The following RBM44 variants were observed in gnomAD, a reference collection of about 807,000 sequenced individuals.
RBM44 encodes RNA-binding protein 44.
RBM44 carries 66 observed loss-of-function variants against 105.1 expected under a neutral mutation model. The ratio of observed to expected loss-of-function variants is 0.63; its 90% CI spans 0.52 to 0.77. The LOEUF is 0.77. RBM44 is among the 30% of genes least tolerant of loss of function. The pLI is 0.00. For synonymous variants in RBM44, 365 were observed against 417.6 expected, an observed-to-expected ratio of 0.87 and a Z score of 1.54; for missense variants, 1,122 against 1,207.8, an observed-to-expected ratio of 0.93 and a Z score of 1.05.
rs939641898 is a variant in RBM44 at position 237,842,003 on chromosome 2, TA to T, written c.*188del. On this transcript the variant is annotated 3_prime_UTR_variant, in exon 16 of 16. Transcript: ENST00000316997. ...TTTAAAATCTAGCAACAGTTGTCTATACAATATTAAGATCTTCTCTATATAT... is the reference window on the plus strand; with the variant it reads ...TTTAAAATCTAGCAACAGTTGTCTATCAATATTAAGATCTTCTCTATATAT... 1 of 152,104 alleles carries T rather than the reference TA, an allele frequency of 6.6e-6. No homozygotes were observed. The highest frequency in any genetic ancestry group is 2.4e-5 in the African/African-American group (1 of 41,450). The allele number at this position is 152,104 out of a possible 1,614,324, so 9.4% of individuals were successfully genotyped here. A position where few individuals can be genotyped will look rare whatever the true frequency, so the allele number is the denominator to read the frequency against.
At position 237,829,270 on chromosome 2, in the gene RBM44, A is replaced by T; in HGVS notation, c.2654A>T (p.Glu885Val). 1 of 1,613,262 alleles carries T rather than the reference A, an allele frequency of 6.2e-7. No homozygotes were observed. The highest frequency in any genetic ancestry group is 1.7e-4 in the Middle Eastern group (1 of 6,042). ...AGCGATGCAAAGATAGCTGTGAAAG[A>T]AATGAATGGGATAGAAATAAATGGA... is the stretch of plus-strand genomic sequence containing the variant. ...KNSDAKIAVK[E>V]MNGIEINGKS... Residue 885 changes from glutamate to valine, a missense_variant, in exon 13 of 16, where the codon GAA (glutamate) becomes GTA (valine). Physicochemically the swap from Glu to Val is moderately radical, Grantham distance 121 (BLOSUM62 -2). Around this residue, in one of 3 missense-constraint regions of RBM44, gnomAD observed 194 missense variants for 225.5 expected, o/e 0.86. Transcript: ENST00000316997.
intron 1 of RBM44, among the ~76,000 whole-genome samples, chr2:237,806,490 A>G (rs2061600396): frequency 6.6e-6 from 1 of 152,112 alleles, no homozygotes; most frequent in African/African-American, 2.4e-5. Flanking sequence ...GTGATTTCTG[A>G]GAGAAAGGAA....
intron 1 of RBM44, among the ~76,000 whole-genome samples, chr2:237,802,713 T>C (rs2061558143): frequency 6.6e-6 from 1 of 152,226 alleles, no homozygotes; most frequent in Non-Finnish European, 1.5e-5. Flanking sequence ...ATCACCTCTC[T>C]GTCCTCAACA....
chr2:237,836,530 C>A (rs1007179347), intron 15 of RBM44, among the ~76,000 whole-genome samples: 1 of 152,102 alleles, frequency 6.6e-6, no homozygotes, highest in African/African-American at 2.4e-5. Context: ...GCCTGTAATC[C>A]CAGCACTTTG....
At chr2:237,802,222 A>G (rs559349719) in intron 1 of RBM44, among the ~76,000 whole-genome samples, 5 of 152,282 alleles carry the variant, frequency 3.3e-5, no homozygotes, top group African/African-American at 9.6e-5. Flanking sequence ...GTGTTTCTCA[A>G]AATATCCAGA....
chr2:237,827,209 A>T, intron 10 of RBM44, 41 bp from the exon 11 acceptor site: 1 of 1,106,104 alleles, frequency 9.0e-7, no homozygotes, highest in Non-Finnish European at 1.3e-6. Flanking sequence ...ACATATCAGT[A>T]CAATAAAGAT....
chr2:237,821,008 T>G, intron 5 of RBM44, 63 bp from the exon 6 acceptor site: 2 of 1,166,866 alleles, frequency 1.7e-6, no homozygotes. Flanking sequence ...TAATATAATA[T>G]TAGTGTTAAA....
At position 237,804,486 on chromosome 2, in the gene RBM44, G is replaced by T. The variant is rs867090761; in HGVS notation, c.-19+5625G>T. Among the ~76,000 whole-genome samples, 3 of 152,200 alleles carry T rather than the reference G, an allele frequency of 2.0e-5. No individual in the cohort carries two copies. The South Asian group carries it at 6.2e-4, about 31-fold the overall frequency. The stretch of plus-strand genomic sequence containing the variant: ...TTCTTGATAATAGCCATTCTGGCTG[G>T]TGTGAGATGGTATTAATTACATTGT... On this transcript the variant is annotated intron_variant, in intron 1 of 15. Transcript: ENST00000316997.
At chr2:237,825,991 A>G (rs2061844223) in intron 10 of RBM44, among the ~76,000 whole-genome samples, 1 of 152,104 alleles carries the variant, frequency 6.6e-6, no homozygotes, top group African/African-American at 2.4e-5. Flanking sequence ...TTGTGACCTA[A>G]ACTCCTGAGA....
chr2:237,834,385 A>C lies in RBM44; in HGVS notation c.3140A>C (p.Asn1047Thr). 1 of 1,522,186 alleles carries C rather than the reference A, an allele frequency of 6.6e-7. No individual in the cohort carries two copies. Among genetic ancestry groups the C allele is most frequent in the Non-Finnish European group, 8.8e-7 (1 of 1,135,812 alleles). 94.3% of individuals were successfully genotyped at this position (1,522,186 alleles called of 1,614,324 possible). Residue 1047 changes from asparagine to threonine, a missense_variant, in exon 15 of 16, where the codon AAC (asparagine) becomes ACC (threonine). By Grantham distance (65) the Asn-to-Thr change is moderately conservative. This residue lies in a region of RBM44 where 194 missense variants were observed against 225.5 expected (regional missense o/e 0.86). Transcript: ENST00000316997. ...GAGATGACTTCATCTCTTCTGAAAAACTCTGCTTCCAGTTAGGAATTCAAA... is the reference window on the plus strand; with the variant it reads ...GAGATGACTTCATCTCTTCTGAAAACCTCTGCTTCCAGTTAGGAATTCAAA... ...IVEMTSSLLK[N>T]SASS
chr2:237,811,692 A>AT (rs2061660098), intron 1 of RBM44, among the ~76,000 whole-genome samples: 1 of 152,068 alleles, frequency 6.6e-6, no homozygotes, highest in Non-Finnish European at 1.5e-5. Context: ...AAAAAAAAAA[A>AT]ACTTTTCCTA....
In RBM44 at chr2:237,818,721, T is replaced by A; in HGVS notation, c.1677+125T>A. On this transcript the variant is annotated intron_variant, in intron 3 of 15. Transcript: ENST00000316997. This position sits in a 1 kb window ranked among gnomAD's most constrained non-coding sequence, Gnocchi z 4.6. The stretch of plus-strand genomic sequence containing the variant: ...AAGATGCTAGATGAGGGGAGTAAAT[T>A]AAAAAGGGAGTAAATTAAAAAGTAA... The A allele has an allele frequency of 1.4e-6, 1 of 703,926 alleles. No individual in the cohort carries two copies. The highest frequency in any genetic ancestry group is 2.3e-6 in the Non-Finnish European group (1 of 441,768). The allele number at this position is 703,926 out of a possible 1,614,324, so 43.6% of individuals were successfully genotyped here. A position where few individuals can be genotyped will look rare whatever the true frequency, so the allele number is the denominator to read the frequency against.
intron 10 of RBM44, among the ~76,000 whole-genome samples, chr2:237,824,765 A>G (rs895206629): frequency 1.3e-5 from 2 of 152,184 alleles, no homozygotes; most frequent in East Asian, 3.8e-4. Flanking sequence ...CCACCAGGCA[A>G]CCAGTACTAA....
intron 1 of RBM44, among the ~76,000 whole-genome samples, chr2:237,805,506 C>G (rs1576495534): frequency 1.3e-5 from 2 of 152,034 alleles, no homozygotes; most frequent in East Asian, 3.9e-4. Flanking sequence ...CATATGGAAC[C>G]AAGAAAGAGC....
intron 1 of RBM44, chr2:237,799,402 G>C (rs4663789): frequency 0.12 from 18,037 of 152,398 alleles, 1,416 homozygotes; most frequent in East Asian, 0.41. Context: ...ATCTGAAGTT[G>C]AGCGTGAACT....
chr2:237,830,923 A>G (rs1305953066), intron 13 of RBM44, among the ~76,000 whole-genome samples: 1 of 137,288 alleles, frequency 7.3e-6, no homozygotes, highest in Non-Finnish European at 1.5e-5. Context: ...TCTATCTACA[A>G]AAAAAAAAAA....
At chr2:237,823,922 G>A (rs879406401) in intron 9 of RBM44, among the ~76,000 whole-genome samples, 9 of 152,104 alleles carry the variant, frequency 5.9e-5, no homozygotes, top group East Asian at 1.9e-4. Flanking sequence ...GGGCTGCAAC[G>A]CGGCTTAATT....
At chr2:237,800,400 G>A (rs1377723420) in intron 1 of RBM44, among the ~76,000 whole-genome samples, 2 of 152,002 alleles carry the variant, frequency 1.3e-5, no homozygotes, top group Non-Finnish European at 2.9e-5. Flanking sequence ...AAGTACTTCC[G>A]TTATACTAAA....
At position 237,838,065 on chromosome 2, in the gene RBM44, A is replaced by G. The variant is rs779288229; in HGVS notation, c.*22+3642A>G. On this transcript the variant is annotated intron_variant, in intron 15 of 15. Transcript: ENST00000316997. ...AATGAAGGAGTCAATTGATGCAGCA[A>G]ACTTCATTGTTGTCTTATTTTAAGA... 7.6e-4 allele frequency among the ~76,000 whole-genome samples: 116 copies of G among 152,324 alleles called. 1 individual carries two copies. Among genetic ancestry groups the G allele is most frequent in the Admixed American group, 2.7e-3 (41 of 15,298 alleles).
Sources: gnomAD v4.1 joint callset for allele counts (sites outside exome capture counted in the v4.1 genomes callset) on GRCh38, gnomAD v4.1.1 for gene constraint, gnomAD v4.1.1 regional missense constraint, Gnocchi (gnomAD v3.1) non-coding constraint, MANE v1.5 for transcripts, NCBI Gene and HGNC (gene_info 2026-07-23, HGNC 2026-07-21) for gene names.